Variants in STRADA observed in about 807,000 individuals in gnomAD.
STRADA encodes the protein STE20 related adaptor alpha.
STRADA carries 26 observed loss-of-function variants against 55.0 expected under a neutral mutation model. That is an observed-to-expected ratio of 0.47 (90% CI 0.35 to 0.66). STRADA has a LOEUF of 0.66. Ranked by LOEUF, STRADA falls within the 30% of genes least tolerant of loss-of-function variation. The pLI, the probability that STRADA is intolerant of heterozygous loss-of-function variation, is 0.01. For synonymous variants in STRADA, 197 were observed against 210.9 expected (o/e 0.93, Z 0.57); for missense variants, 443 against 549.7 (o/e 0.81, Z 1.94).
At chr17:63,714,356 A>C in intron 4 of STRADA, 1 of 417,684 alleles carries the variant, frequency 2.4e-6, no homozygotes, top group South Asian at 2.1e-5. Flanking sequence ...ATCAAATGTT[A>C]ATCTGCTTGT....
At chr17:63,730,886 T>C (rs1214867482) in intron 1 of STRADA, among the ~76,000 whole-genome samples, 1 of 151,790 alleles carries the variant, frequency 6.6e-6, no homozygotes, top group Non-Finnish European at 1.5e-5. Context: ...CAAGCAATTG[T>C]CTGCCTCAGC....
chr17:63,731,882 T>C (rs1449251227), intron 1 of STRADA, among the ~76,000 whole-genome samples: 2 of 152,188 alleles, frequency 1.3e-5, no homozygotes, highest in African/African-American at 4.8e-5. Context: ...TTGTTTTTTA[T>C]GAGACAGGGT....
At chr17:63,724,682 G>A (rs554755451) in intron 3 of STRADA, among the ~76,000 whole-genome samples, 2 of 151,632 alleles carry the variant, frequency 1.3e-5, no homozygotes, top group Non-Finnish European at 2.9e-5. Flanking sequence ...AAAGTGCTGG[G>A]ATTCCATGCA....
chr17:63,739,703 T>C (rs961027071), intron 1 of STRADA, among the ~76,000 whole-genome samples: 1 of 148,438 alleles, frequency 6.7e-6, no homozygotes, highest in African/African-American at 2.5e-5. Context: ...TATTAATATG[T>C]ATACATATAT....
intron 4 of STRADA, among the ~76,000 whole-genome samples, chr17:63,717,692 G>A (rs2036992162): frequency 6.6e-6 from 1 of 151,976 alleles, no homozygotes; most frequent in Non-Finnish European, 1.5e-5. Flanking sequence ...GGCCAGATTG[G>A]TCTCGAACTC....
intron 8 of STRADA, 158 bp from the exon 9 acceptor site, chr17:63,707,576 TTGAGA>T (rs1369038786): frequency 2.9e-6 from 2 of 698,932 alleles, no homozygotes; most frequent in Non-Finnish European, 2.3e-6. Flanking sequence ...TTTGTTTTCA[TTGAGA>T]TAAGAGTCTC....
chr17:63,719,509 A>T (rs2037138110), intron 4 of STRADA, among the ~76,000 whole-genome samples: 1 of 150,724 alleles, frequency 6.6e-6, no homozygotes, highest in African/African-American at 2.4e-5. Flanking sequence ...TTTGAGACAG[A>T]GTCTCGCTCT....
At chr17:63,738,128 G>T (rs907870807) in intron 1 of STRADA, among the ~76,000 whole-genome samples, 3 of 151,602 alleles carry the variant, frequency 2.0e-5, no homozygotes, top group Non-Finnish European at 4.4e-5. Flanking sequence ...AGATCACAAG[G>T]TCAGGAGTTC....
rs934422674 is a variant in STRADA, at chr17:63,707,258, C to G, written c.742G>C (p.Val248Leu). The G allele has an allele frequency of 6.2e-7, 1 of 1,614,138 alleles. No individual in the cohort carries two copies. Residue 248 changes from valine (V) to leucine (L), a missense_variant, in exon 9 of 13, where the codon GTC becomes CTC. Val to Leu is a conservative substitution (Grantham distance 32, BLOSUM62 1). Transcript: ENST00000336174. ...GCCCACACACAGACCTGCTGGAGGA[C>G]CTCGGGGCTGAGCCACGGCAGAACC... ...VKVLPWLSPE[V>L]LQQNLQGYDA...
rs751729626 is a variant in STRADA, at chr17:63,723,335, G to C, written c.95-9C>G. ...GTCACCCGGAGGCTGCTCTGGGGTA[G>C]AGAAATTGATTGTTGGCATTTTGTG... On this transcript the variant is annotated splice_polypyrimidine_tract_variant and intron_variant, in intron 3 of 12. Coordinates refer to ENST00000336174, the MANE Select transcript of STRADA (RefSeq NM_001003787.4). 33 of 1,614,064 alleles carry C rather than the reference G, an allele frequency of 2.0e-5. No individual in the cohort carries two copies. Among genetic ancestry groups the C allele is most frequent in the East Asian group, 4.5e-5 (2 of 44,906 alleles).
At chr17:63,707,456 G>A (rs2036176904) in intron 8 of STRADA, 38 bp from the exon 9 acceptor site, 2 of 1,602,598 alleles carry the variant, frequency 1.2e-6, no homozygotes, top group Admixed American at 1.7e-5. Context: ...GAGAGCAGGA[G>A]CCCCTCCTGC....
intron 3 of STRADA, 186 bp from the exon 4 acceptor site, chr17:63,723,512 G>A (rs1346545872): frequency 1.1e-5 from 7 of 627,654 alleles, no homozygotes; most frequent in Non-Finnish European, 1.7e-5. Flanking sequence ...ATGCTGCAGA[G>A]AGATAGGGCT....
chr17:63,726,054 TTGAAAATAA>T (rs2037639034), intron 3 of STRADA: 1 of 152,234 alleles, frequency 6.6e-6, no homozygotes, highest in Admixed American at 6.5e-5. Flanking sequence ...ATTATTTTTA[TTGAAAATAA>T]TTTTTGTTGC....
rs140967808 is a variant in STRADA, at chr17:63,717,468, C to T, written c.124-3360G>A. Among the ~76,000 whole-genome samples the T allele has an allele frequency of 5.6e-3, 844 of 151,564 alleles. 20 individuals are homozygous for T. In the East Asian group the frequency reaches 0.062, roughly 11 times the overall value. On this transcript the variant is annotated intron_variant, in intron 4 of 12. Transcript: ENST00000336174. ...GACTACAGGTGCGAACCACCATGCC[C>T]GGCTAAGTTTATTTATTTATTTATT... is the stretch of plus-strand genomic sequence containing the variant.
intron 4 of STRADA, among the ~76,000 whole-genome samples, chr17:63,721,232 C>A (rs1472309091): frequency 6.8e-6 from 1 of 148,076 alleles, no homozygotes; most frequent in Admixed American, 6.7e-5. Context: ...ATTAGCTGGG[C>A]GTGGTGGCGG....
At chr17:63,708,144 G>A (rs2036242030) in intron 8 of STRADA, among the ~76,000 whole-genome samples, 1 of 152,136 alleles carries the variant, frequency 6.6e-6, no homozygotes, top group African/African-American at 2.4e-5. Flanking sequence ...GCCTCCCAAA[G>A]TGCTGGGATT....
chr17:63,717,747 G>C (rs2036996546), intron 4 of STRADA, among the ~76,000 whole-genome samples: 1 of 152,032 alleles, frequency 6.6e-6, no homozygotes, highest in Non-Finnish European at 1.5e-5. Flanking sequence ...AAAGTGCTGG[G>C]ATTACAGGTG....
intron 12 of STRADA, 95 bp from the exon 13 acceptor site, chr17:63,703,846 G>A: frequency 6.2e-7 from 1 of 1,610,544 alleles, no homozygotes; most frequent in Non-Finnish European, 8.5e-7. Context: ...CAGACGGGCT[G>A]TCGGAGCCAA....
intron 1 of STRADA, among the ~76,000 whole-genome samples, chr17:63,736,128 G>T (rs2038405226): frequency 6.6e-6 from 1 of 151,940 alleles, no homozygotes; most frequent in Non-Finnish European, 1.5e-5. Flanking sequence ...TTTTAGTAGA[G>T]ACGGGGCTTA....
Sources: allele counts gnomAD v4.1 joint callset (sites outside exome capture counted in the v4.1 genomes callset), GRCh38; gene constraint gnomAD v4.1.1; transcripts MANE v1.5; gene names NCBI Gene and HGNC (gene_info 2026-07-23, HGNC 2026-07-21).